Variants in KIF18A observed in about 807,000 individuals in gnomAD.
The protein encoded by KIF18A is kinesin family member 18A.
KIF18A carries 67 observed loss-of-function variants against 103.3 expected under a neutral mutation model. The ratio of observed to expected loss-of-function variants is 0.65; its 90% CI spans 0.53 to 0.79. The LOEUF (loss-of-function observed/expected upper bound fraction) is 0.79. KIF18A is among the 30% of genes least tolerant of loss of function. The pLI is 0.00. For synonymous variants in KIF18A, 367 were observed against 355.5 expected (o/e 1.03, Z -0.36); for missense variants, 1,032 against 1,062.5 (o/e 0.97, Z 0.40).
intron 9 of KIF18A, among the ~76,000 whole-genome samples, chr11:28,081,040 A>G (rs1036125008): frequency 2.0e-5 from 3 of 152,194 alleles, no homozygotes; most frequent in East Asian, 1.9e-4. Flanking sequence ...AATCTGTTCA[A>G]TTCTACAAAG....
At chr11:28,076,836 A>G in intron 10 of KIF18A, 171 bp downstream of exon 10, 1 of 380,078 alleles carries the variant, frequency 2.6e-6, no homozygotes, top group Non-Finnish European at 4.6e-6. Context: ...TGGGAGGCTG[A>G]GGCAGGAGAA....
At chr11:28,067,731 G>A (rs996892422) in intron 11 of KIF18A, among the ~76,000 whole-genome samples, 8 of 152,128 alleles carry the variant, frequency 5.3e-5, no homozygotes, top group Non-Finnish European at 1.2e-4. Flanking sequence ...AATTTCAGAA[G>A]AGCATCACCA....
chr11:28,055,550 T>G (rs1444830721), intron 13 of KIF18A, among the ~76,000 whole-genome samples: 1 of 152,156 alleles, frequency 6.6e-6, no homozygotes, highest in African/African-American at 2.4e-5. Flanking sequence ...TAAATCTTCC[T>G]TGCTTTGAGT....
intron 2 of KIF18A, among the ~76,000 whole-genome samples, chr11:28,096,546 T>G (rs886705624): frequency 1.3e-5 from 2 of 152,144 alleles, no homozygotes; most frequent in African/African-American, 4.8e-5. Flanking sequence ...GAGAGTCTAC[T>G]TTTTTTCTTA....
At chr11:28,023,711 T>C (rs368276152) in intron 16 of KIF18A, 30 bp downstream of exon 16, 72 of 1,249,938 alleles carry the variant, frequency 5.8e-5, no homozygotes, top group Non-Finnish European at 6.0e-5. Context: ...AGTCATACCA[T>C]TAAATATCAA....
chr11:28,096,063 TG>T, intron 2 of KIF18A, among the ~76,000 whole-genome samples: 1 of 142,530 alleles, frequency 7.0e-6, no homozygotes, highest in Middle Eastern at 3.8e-3. Flanking sequence ...GAATTACATA[TG>T]GTAAATACCC....
chr11:28,050,887 T>C (rs954639867), intron 13 of KIF18A, among the ~76,000 whole-genome samples: 12 of 151,894 alleles, frequency 7.9e-5, no homozygotes, highest in Non-Finnish European at 1.5e-4. Flanking sequence ...AAATCAAGTC[T>C]ATTTATTAGA....
At chr11:28,088,482 C>T (rs1226163832) in intron 6 of KIF18A, 42 bp downstream of exon 6, 3 of 1,475,310 alleles carry the variant, frequency 2.0e-6, no homozygotes, top group Non-Finnish European at 2.8e-6. Context: ...TTATCTATTT[C>T]AATATTTCAA....
At chr11:28,106,063 T>C (rs148033923) in intron 1 of KIF18A, among the ~76,000 whole-genome samples, 104 of 152,332 alleles carry the variant, frequency 6.8e-4, no homozygotes, top group African/African-American at 2.3e-3. Flanking sequence ...TTTATGAAAG[T>C]ACTATAATAA....
intron 5 of KIF18A, among the ~76,000 whole-genome samples, chr11:28,090,198 T>C (rs571631870): frequency 2.0e-5 from 3 of 152,306 alleles, no homozygotes; most frequent in African/African-American, 7.2e-5. Context: ...GCCAACTGAA[T>C]CATACTTCCT....
chr11:28,091,513 C>T lies in KIF18A; in HGVS notation c.484G>A (p.Val162Ile), dbSNP rs1851304508. 6.5e-7 allele frequency: 1 copy of T among 1,547,778 alleles called. No individual in the cohort carries two copies. The highest frequency in any genetic ancestry group is 1.1e-5 in the South Asian group (1 of 87,334). Residue 162 changes from valine to isoleucine, a missense_variant and splice_region_variant, in exon 4 of 17, where the codon GTA becomes ATA. Physicochemically the swap from Val to Ile is conservative, Grantham distance 29 (BLOSUM62 3). Coordinates refer to ENST00000263181, the MANE Select transcript of KIF18A (RefSeq NM_031217.4). ...ICSTAVSYLE[V>I]YNEQIRDLLV... ...AGATCACGAATCTGTTCATTATATA[C>T]CTTAAAATAAAAAGAACTGCTTTAG...
At chr11:28,067,270 TTAAC>T (rs1465447585) in intron 11 of KIF18A, among the ~76,000 whole-genome samples, 7 of 152,140 alleles carry the variant, frequency 4.6e-5, no homozygotes, top group African/African-American at 1.7e-4. Flanking sequence ...CCTAATCTAC[TTAAC>T]TAACTGACTG....
chr11:28,100,700 G>C (rs1851434431), intron 1 of KIF18A, among the ~76,000 whole-genome samples: 1 of 151,992 alleles, frequency 6.6e-6, no homozygotes, highest in South Asian at 2.1e-4. Flanking sequence ...GAATTCAAAG[G>C]AATCTAAAAG....
At chr11:28,063,429 C>G (rs1303499192) in intron 11 of KIF18A, among the ~76,000 whole-genome samples, 1 of 151,964 alleles carries the variant, frequency 6.6e-6, no homozygotes, top group Non-Finnish European at 1.5e-5. Flanking sequence ...TTTAAAGAGA[C>G]AAGACTTGAG....
intron 13 of KIF18A, among the ~76,000 whole-genome samples, chr11:28,047,056 GAAA>G (rs60204007): frequency 2.8e-5 from 2 of 71,132 alleles, no homozygotes; most frequent in African/African-American, 6.7e-5. Context: ...CTTCGTCTCA[GAAA>G]AAAAAAAAAA....
At chr11:28,045,027 A>G (rs1403997395) in intron 13 of KIF18A, among the ~76,000 whole-genome samples, 1 of 152,064 alleles carries the variant, frequency 6.6e-6, no homozygotes, top group Non-Finnish European at 1.5e-5. Context: ...AAGTAAACAA[A>G]GTTTGGATAT....
intron 13 of KIF18A, among the ~76,000 whole-genome samples, chr11:28,051,402 A>G (rs1316726750): frequency 1.3e-5 from 2 of 151,970 alleles, no homozygotes; most frequent in East Asian, 3.8e-4. Flanking sequence ...TACTGTACAA[A>G]AAACACAGTG....
At chr11:28,042,921 A>T (rs1171660436) in intron 13 of KIF18A, among the ~76,000 whole-genome samples, 1 of 151,854 alleles carries the variant, frequency 6.6e-6, no homozygotes, top group Non-Finnish European at 1.5e-5. Context: ...TCTTAAGGGA[A>T]GGCATGGAGG....
intron 1 of KIF18A, among the ~76,000 whole-genome samples, chr11:28,104,713 T>C (rs1851484854): frequency 6.6e-6 from 1 of 152,290 alleles, no homozygotes; most frequent in African/African-American, 2.4e-5. Context: ...GAGCACGGAG[T>C]TCATCTGCAC....
Sources: gnomAD v4.1 joint callset for allele counts (sites outside exome capture counted in the v4.1 genomes callset) on GRCh38, gnomAD v4.1.1 for gene constraint, MANE v1.5 for transcripts, NCBI Gene and HGNC (gene_info 2026-07-23, HGNC 2026-07-21) for gene names.